APLP2: variants seen among roughly 807,000 people sequenced by gnomAD.
APLP2 encodes the protein CDEI box-binding protein.
In APLP2, 53 loss-of-function variants were observed where a neutral mutation model predicts 89.9. That is an observed-to-expected ratio of 0.59 (90% CI 0.47 to 0.74). The LOEUF is 0.74. APLP2 is among the 30% of genes least tolerant of loss of function. The pLI, the probability that APLP2 is intolerant of heterozygous loss-of-function variation, is 0.00. For missense variants in APLP2, 973 were observed against 975.9 expected, an observed-to-expected ratio of 1.00 and a Z score of 0.04; for synonymous variants, 372 against 348.6, an observed-to-expected ratio of 1.07 and a Z score of -0.75.
At chr11:130,103,620 A>G (rs1228589809) in intron 1 of APLP2, among the ~76,000 whole-genome samples, 1 of 152,190 alleles carries the variant, frequency 6.6e-6, no homozygotes, top group Non-Finnish European at 1.5e-5. Flanking sequence ...CTTTTAGCCA[A>G]CAACCATAAT....
intron 16 of APLP2, among the ~76,000 whole-genome samples, chr11:130,142,306 A>T (rs1952519097): frequency 6.6e-6 from 1 of 152,210 alleles, no homozygotes; most frequent in Non-Finnish European, 1.5e-5. Flanking sequence ...TCAGAAAGTC[A>T]TGTGAACATT....
chr11:130,107,284 G>A (rs541671643), intron 1 of APLP2, among the ~76,000 whole-genome samples: 2 of 152,162 alleles, frequency 1.3e-5, no homozygotes, highest in Admixed American at 6.5e-5. Context: ...TAGCTTTTAC[G>A]AGGACAGACT....
chr11:130,109,555 A>G lies in APLP2; in HGVS notation c.232A>G (p.Lys78Glu). 6.2e-7 allele frequency: 1 copy of G among 1,613,740 alleles called. No individual in the cohort carries two copies. Among genetic ancestry groups the G allele is most frequent in the Non-Finnish European group, 8.5e-7 (1 of 1,179,828 alleles). Residue 78 changes from lysine (K) to glutamate (E), a missense_variant, in exon 2 of 17, where the codon AAG (lysine) becomes GAG (glutamate). By Grantham distance (56) the Lys-to-Glu change is moderately conservative. Coordinates refer to ENST00000338167, the MANE Select transcript of APLP2 (RefSeq NM_001142276.2). ...GKWEPDPTGT[K>E]SCFETKEEVL... is the part of the protein sequence containing the mutation. ...ATGGGAACCTGATCCAACAGGCACC[A>G]AGAGCTGCTTTGAAACAAAAGAAGA...
At chr11:130,096,859 T>A (rs1275729856) in intron 1 of APLP2, among the ~76,000 whole-genome samples, 4 of 152,216 alleles carry the variant, frequency 2.6e-5, no homozygotes, top group Non-Finnish European at 4.4e-5. Context: ...TATTAGTAGT[T>A]AGGTGGTTTG....
At chr11:130,087,519 T>TA (rs1197603878) in intron 1 of APLP2, among the ~76,000 whole-genome samples, 2 of 152,198 alleles carry the variant, frequency 1.3e-5, no homozygotes, top group Non-Finnish European at 2.9e-5. Flanking sequence ...ATTTTGGTCT[T>TA]ACCCTCTAGC....
At position 130,141,451 on chromosome 11, in the gene APLP2, C is replaced by T; in HGVS notation, c.1924-47C>T. The T allele has an allele frequency of 6.6e-7, 1 of 1,511,784 alleles. No individual in the cohort carries two copies. Among genetic ancestry groups the T allele is most frequent in the East Asian group, 2.3e-5 (1 of 44,356 alleles). 93.6% of individuals were successfully genotyped at this position (1,511,784 alleles called of 1,614,324 possible). On this transcript the variant is annotated intron_variant, in intron 14 of 16. Coordinates refer to ENST00000338167, the MANE Select transcript of APLP2 (RefSeq NM_001142276.2). The surrounding 1 kb of genome is among the most constrained non-coding windows in gnomAD (Gnocchi z 4.2). ...GAAGGAGGCAGTAAATACCAAACTC[C>T]CCGTTCACCCAGTTGCTTGCTGCCG...
intron 1 of APLP2, among the ~76,000 whole-genome samples, chr11:130,100,594 A>G (rs541596473): frequency 1.3e-5 from 2 of 152,298 alleles, no homozygotes; most frequent in African/African-American, 4.8e-5. Context: ...CAGATGGACA[A>G]ATTACCATGT....
At chr11:130,137,681 G>A (rs1453824820) in intron 13 of APLP2, among the ~76,000 whole-genome samples, 4 of 152,136 alleles carry the variant, frequency 2.6e-5, no homozygotes, top group South Asian at 2.1e-4. Flanking sequence ...GTGGAGAGTC[G>A]TTCTCTTTTC....
chr11:130,100,703 T>A (rs573842522), intron 1 of APLP2, among the ~76,000 whole-genome samples: 6 of 152,174 alleles, frequency 3.9e-5, no homozygotes, highest in Non-Finnish European at 8.8e-5. Flanking sequence ...AAAGCTGGAG[T>A]TATTTGTATA....
chr11:130,072,757 G>A (rs537901979), intron 1 of APLP2, among the ~76,000 whole-genome samples: 2 of 152,314 alleles, frequency 1.3e-5, no homozygotes, highest in African/African-American at 4.8e-5. Flanking sequence ...GATTACAGGC[G>A]TGAGCCACAG....
chr11:130,107,404 A>G (rs1218629510), intron 1 of APLP2, among the ~76,000 whole-genome samples: 2 of 151,404 alleles, frequency 1.3e-5, no homozygotes, highest in African/African-American at 4.9e-5. Context: ...AAAAATCACA[A>G]GCATTCCTAT....
intron 1 of APLP2, among the ~76,000 whole-genome samples, chr11:130,097,863 C>G (rs1198657005): frequency 6.6e-6 from 1 of 152,084 alleles, no homozygotes; most frequent in Non-Finnish European, 1.5e-5. Context: ...TTTTATGAAA[C>G]CATTTTAATA....
chr11:130,098,167 G>A (rs1946458777), intron 1 of APLP2, among the ~76,000 whole-genome samples: 1 of 152,192 alleles, frequency 6.6e-6, no homozygotes, highest in African/African-American at 2.4e-5. Context: ...AGCACTTTGG[G>A]AGGCTGAGGT....
rs192156938 is a variant in APLP2 at position 130,087,277 on chromosome 11, A to G, written c.105+17195A>G. Among the ~76,000 whole-genome samples, 4 of 152,350 alleles carry G rather than the reference A, an allele frequency of 2.6e-5. No individual in the cohort carries two copies. The East Asian group carries it at 5.8e-4, about 22-fold the overall frequency. On this transcript the variant is annotated intron_variant, in intron 1 of 16. Transcript: ENST00000338167. ...GGTTGAAGACCTGCAGTCTGCAGGC[A>G]GAATGTGACCTGTCCTTGTGTTTTA...
At chr11:130,078,016 G>T (rs369106520) in intron 1 of APLP2, among the ~76,000 whole-genome samples, 1 of 152,184 alleles carries the variant, frequency 6.6e-6, no homozygotes, top group African/African-American at 2.4e-5. Flanking sequence ...CTACCACTGA[G>T]GTCAAGAAAT....
chr11:130,112,856 A>C (rs1948752556), intron 3 of APLP2, among the ~76,000 whole-genome samples: 1 of 152,082 alleles, frequency 6.6e-6, no homozygotes, highest in African/African-American at 2.4e-5. Context: ...GTTCTCTGTG[A>C]TGTCATGCTT....
At chr11:130,084,999 G>A (rs894339610) in intron 1 of APLP2, among the ~76,000 whole-genome samples, 2 of 152,148 alleles carry the variant, frequency 1.3e-5, no homozygotes, top group East Asian at 1.9e-4. Flanking sequence ...AAAAAGTATC[G>A]TGAGACTATT....
At position 130,144,495 on chromosome 11, in the gene APLP2, C is replaced by T. The variant is rs1460808840; in HGVS notation, c.*1047C>T. On this transcript the variant is annotated 3_prime_UTR_variant, in exon 17 of 17. Transcript: ENST00000338167. The stretch of plus-strand genomic sequence containing the variant: ...CTGTCCCTGAAACTGAGTCTGTGGA[C>T]ACTGTGGAAAGCTTTGAACAATTGT... 1.3e-5 allele frequency: 2 copies of T among 152,348 alleles called. No individual in the cohort carries two copies. Among genetic ancestry groups the T allele is most frequent in the Admixed American group, 6.5e-5 (1 of 15,290 alleles). The allele number at this position is 152,348 out of a possible 1,614,324, so 9.4% of individuals were successfully genotyped here. A position where few individuals can be genotyped will look rare whatever the true frequency, so the allele number is the denominator to read the frequency against.
Position 130,072,174 on chromosome 11 carries a change from G to A in APLP2, c.105+2092G>A, listed in dbSNP as rs184645933. On this transcript the variant is annotated intron_variant, in intron 1 of 16. Coordinates refer to ENST00000338167, the MANE Select transcript of APLP2 (RefSeq NM_001142276.2). ...GGGTCACTTCCTCTCTTAAATCCGAGACAAGTTCTCCTGTGTGCATGCTCC... is the reference window on the plus strand; with the variant it reads ...GGGTCACTTCCTCTCTTAAATCCGAAACAAGTTCTCCTGTGTGCATGCTCC... Among the ~76,000 whole-genome samples the A allele has an allele frequency of 2.6e-5, 4 of 152,310 alleles. No individual in the cohort carries two copies. In the East Asian group the frequency reaches 7.7e-4, roughly 29 times the overall value.
Sources: allele counts gnomAD v4.1 joint callset (sites outside exome capture counted in the v4.1 genomes callset), GRCh38; gene constraint gnomAD v4.1.1; non-coding constraint Gnocchi (gnomAD v3.1); transcripts MANE v1.5; gene names NCBI Gene and HGNC (gene_info 2026-07-23, HGNC 2026-07-21).